Variants in SRGAP2 observed in about 807,000 individuals in gnomAD.
SRGAP2 encodes SLIT-ROBO Rho GTPase-activating protein 2.
A neutral mutation model predicts 57.2 loss-of-function variants in SRGAP2; 15 were observed. That is an observed-to-expected ratio of 0.26 (90% CI 0.18 to 0.40). The LOEUF (loss-of-function observed/expected upper bound fraction) is 0.40. Among genes scored for constraint, SRGAP2 ranks in the 10% least tolerant of loss-of-function variants. The probability of loss-of-function intolerance (pLI) is 1.00; values close to 1 mark genes in which losing one functional copy is unlikely to be tolerated. For synonymous variants in SRGAP2, 249 were observed against 248.0 expected, an observed-to-expected ratio of 1.00 and a Z score of -0.04; for missense variants, 520 against 669.6, an observed-to-expected ratio of 0.78 and a Z score of 2.47.
At chr1:206,298,624 A>G (rs1187195340) in intron 2 of SRGAP2, among the ~76,000 whole-genome samples, 8 of 152,254 alleles carry the variant, frequency 5.3e-5, no homozygotes, top group East Asian at 1.9e-4. Flanking sequence ...GGAGGTTTAA[A>G]TTTGTCTTGA....
Position 206,277,866 on chromosome 1 carries a change from C to G in SRGAP2, c.68-25415C>G, listed in dbSNP as rs1374949979. ...TGGTGGTGCACGCTTGTAATCCCAGCTACTTGGGAAGCTGAGGCATGAGAA... is the reference window on the plus strand; with the variant it reads ...TGGTGGTGCACGCTTGTAATCCCAGGTACTTGGGAAGCTGAGGCATGAGAA... On this transcript the variant is annotated intron_variant, in intron 2 of 22. Transcript: ENST00000573034. Among the ~76,000 whole-genome samples the G allele has an allele frequency of 3.9e-5, 6 of 152,110 alleles. No homozygotes were observed. In the East Asian group the frequency reaches 1.2e-3, roughly 29 times the overall value.
At chr1:206,367,292 C>T (rs1390151337) in intron 4 of SRGAP2, among the ~76,000 whole-genome samples, 7 of 152,198 alleles carry the variant, frequency 4.6e-5, no homozygotes, top group African/African-American at 1.7e-4. Flanking sequence ...TTTCTTCCCC[C>T]TATCTTCGCT....
intron 3 of SRGAP2, among the ~76,000 whole-genome samples, chr1:206,335,961 C>G (rs1178424182): frequency 6.6e-6 from 1 of 152,170 alleles, no homozygotes; most frequent in Non-Finnish European, 1.5e-5. Flanking sequence ...CTGACCTAAC[C>G]CACAAGAACC....
chr1:206,213,336 A>T (rs1310193266), intron 2 of SRGAP2: 13 of 848,930 alleles, frequency 1.5e-5, no homozygotes, highest in Non-Finnish European at 1.8e-5. Context: ...AGCCTAGGTG[A>T]TAGAGCTAAT....
chr1:206,434,644 A>AT lies in SRGAP2; in HGVS notation c.1556-2319dup, dbSNP rs574135290. On this transcript the variant is annotated intron_variant, in intron 14 of 22. Coordinates refer to ENST00000573034, the MANE Select transcript of SRGAP2 (RefSeq NM_015326.5). The stretch of plus-strand genomic sequence containing the variant: ...ATGTTTCTGCTTCTAGAATCTAGAG[A>AT]TTCTGTCTGTTGAGCAAGAACACAT... Among the ~76,000 whole-genome samples, 13 of 152,290 alleles carry AT rather than the reference A, an allele frequency of 8.5e-5. No individual in the cohort carries two copies. The South Asian group carries it at 2.5e-3, about 29-fold the overall frequency.
chr1:206,454,576 C>A lies in SRGAP2; in HGVS notation c.2361-302C>A. The A allele has an allele frequency of 2.4e-6, 1 of 425,048 alleles. No homozygotes were observed. The highest frequency in any genetic ancestry group is 4.2e-6 in the Non-Finnish European group (1 of 239,880). 26.3% of individuals were successfully genotyped at this position (425,048 alleles called of 1,614,324 possible). On this transcript the variant is annotated intron_variant, in intron 20 of 22. Coordinates refer to ENST00000573034, the MANE Select transcript of SRGAP2 (RefSeq NM_015326.5). The surrounding 1 kb of genome is among the most constrained non-coding windows in gnomAD (Gnocchi z 4.3). ...GGAGGCCGCCCCAGCACGGCCTCCC[C>A]AGGAAGCAGCATGGGGTAGAAGGCA...
rs1553380601 is a variant in SRGAP2 at position 206,461,270 on chromosome 1, C to G, written c.3066C>G (p.Phe1022Leu). The change falls in exon 23 of 23, where the codon TTC (phenylalanine) becomes TTG (leucine). Residue 1022 changes from phenylalanine to leucine, a missense_variant. Around this residue, in one of 5 missense-constraint regions of SRGAP2, gnomAD observed 478 missense variants for 373.6 expected, o/e 1.28. Transcript: ENST00000573034. The stretch of plus-strand genomic sequence containing the variant: ...CTGCTGGGGACATCGCCTGCGCCTT[C>G]CGGCCTGTCAAGTCTGTCAAGATGG... ...ASTAGDIACAFRPVKSVKMAA... is the reference protein window; with the variant it reads ...ASTAGDIACALRPVKSVKMAA... 1.3e-6 allele frequency: 1 copy of G among 780,942 alleles called. No homozygotes were observed. The highest frequency in any genetic ancestry group is 1.3e-5 in the South Asian group (1 of 74,632). The allele number at this position is 780,942 out of a possible 1,614,324, so 48.4% of individuals were successfully genotyped here.
Position 206,461,637 on chromosome 1 carries a change from C to A in SRGAP2, c.*217C>A. The A allele has an allele frequency of 1.8e-6, 1 of 553,418 alleles. No individual in the cohort carries two copies. Among genetic ancestry groups the A allele is most frequent in the South Asian group, 2.4e-5 (1 of 41,038 alleles). The allele number at this position is 553,418 out of a possible 1,614,324, so 34.3% of individuals were successfully genotyped here. A position where few individuals can be genotyped will look rare whatever the true frequency, so the allele number is the denominator to read the frequency against. ...TCTGCTTCCCCCAGTCGTCGTAATT[C>A]AGCCAGCTGCAGTCCGTACCGTTCT... On this transcript the variant is annotated 3_prime_UTR_variant, in exon 23 of 23. Coordinates refer to ENST00000573034, the MANE Select transcript of SRGAP2 (RefSeq NM_015326.5).
chr1:206,210,100 C>T (rs552633234), intron 2 of SRGAP2, among the ~76,000 whole-genome samples: 65 of 149,498 alleles, frequency 4.3e-4, no homozygotes, highest in Non-Finnish European at 8.3e-4. Flanking sequence ...TGGCCTCTAG[C>T]CTGTTAGCTT....
chr1:206,272,402 A>C (rs1159191799), intron 2 of SRGAP2, among the ~76,000 whole-genome samples: 1 of 150,822 alleles, frequency 6.6e-6, no homozygotes, highest in African/African-American at 2.5e-5. Context: ...CTATAAATTA[A>C]TTTTTTTATT....
intron 2 of SRGAP2, among the ~76,000 whole-genome samples, chr1:206,226,613 AATGCTTGT>A (rs1181583774): frequency 6.6e-6 from 1 of 152,132 alleles, no homozygotes; most frequent in Non-Finnish European, 1.5e-5. Context: ...TAAATGAAGT[AATGCTTGT>A]GTATCAGCTT....
chr1:206,425,274 T>C (rs1022372406), intron 13 of SRGAP2, among the ~76,000 whole-genome samples: 1 of 152,220 alleles, frequency 6.6e-6, no homozygotes, highest in Non-Finnish European at 1.5e-5. Flanking sequence ...TACACACTTA[T>C]GGGGTACATG....
intron 2 of SRGAP2, among the ~76,000 whole-genome samples, chr1:206,285,442 A>G (rs1333331731): frequency 3.3e-5 from 5 of 151,880 alleles, no homozygotes. Flanking sequence ...GAGGCAGGGG[A>G]GGCAGATTGT....
rs17016846 is a variant in SRGAP2 at position 206,445,782 on chromosome 1, G to T, written c.1875-293G>T. Among the ~76,000 whole-genome samples, 69 of 152,248 alleles carry T rather than the reference G, an allele frequency of 4.5e-4. 1 individual carries two copies. The East Asian group carries it at 0.012, about 27-fold the overall frequency. ...GTGGCCTTTGATAGATAAGATCCGG[G>T]GATAGGGATGAGGATGGGGTGGTAA... On this transcript the variant is annotated intron_variant, in intron 17 of 22. Coordinates refer to ENST00000573034, the MANE Select transcript of SRGAP2 (RefSeq NM_015326.5).
chr1:206,314,043 G>A (rs1482877745), intron 3 of SRGAP2, among the ~76,000 whole-genome samples: 1 of 151,518 alleles, frequency 6.6e-6, no homozygotes, highest in Non-Finnish European at 1.5e-5. Context: ...TTTTTGACTT[G>A]GGTGATTGAT....
intron 2 of SRGAP2, 109 bp from the exon 3 acceptor site, chr1:206,303,172 A>G (rs1283451293): frequency 1.9e-6 from 1 of 527,430 alleles, no homozygotes; most frequent in African/African-American, 2.1e-5. Flanking sequence ...AGGGCTTTCA[A>G]TTTCCCAGGG....
intron 2 of SRGAP2, among the ~76,000 whole-genome samples, chr1:206,284,913 C>G (rs1670935375): frequency 6.6e-6 from 1 of 152,218 alleles, no homozygotes; most frequent in South Asian, 2.1e-4. Context: ...CTCATCACCC[C>G]TAATCGTTGT....
At chr1:206,213,930 A>C (rs1406359107) in intron 2 of SRGAP2, among the ~76,000 whole-genome samples, 1 of 151,602 alleles carries the variant, frequency 6.6e-6, no homozygotes, top group Non-Finnish European at 1.5e-5. Context: ...AAAACAAAAA[A>C]CAAGCAAACG....
At chr1:206,425,400 TTCTA>T (rs782590671) in intron 13 of SRGAP2, among the ~76,000 whole-genome samples, 28 of 152,254 alleles carry the variant, frequency 1.8e-4, no homozygotes, top group Non-Finnish European at 3.5e-4. Context: ...ATTCCAAATC[TTCTA>T]TCTGTTTTGA....
Sources: gnomAD v4.1 joint callset for allele counts (sites outside exome capture counted in the v4.1 genomes callset) on GRCh38, gnomAD v4.1.1 for gene constraint, gnomAD v4.1.1 regional missense constraint, Gnocchi (gnomAD v3.1) non-coding constraint, MANE v1.5 for transcripts, NCBI Gene and HGNC (gene_info 2026-07-23, HGNC 2026-07-21) for gene names.